The following NAV3 variants were observed in gnomAD, a reference collection of about 807,000 sequenced individuals.
NAV3 encodes pore membrane and/or filament interacting like protein 1.
NAV3 carries 87 observed loss-of-function variants against 244.7 expected under a neutral mutation model. That is an observed-to-expected ratio of 0.36 (90% CI 0.30 to 0.42). NAV3 has a LOEUF of 0.42. NAV3 is among the 20% of genes least tolerant of loss of function. The probability of loss-of-function intolerance (pLI) is 1.00; values close to 1 mark genes in which losing one functional copy is unlikely to be tolerated. For missense variants in NAV3, 2,663 were observed against 2,893.3 expected (o/e 0.92, Z 1.83); for synonymous variants, 1,126 against 1,042.2 (o/e 1.08, Z -1.55).
At chr12:77,843,864 A>G (rs1298540801) in intron 1 of NAV3, among the ~76,000 whole-genome samples, 1 of 152,190 alleles carries the variant, frequency 6.6e-6, no homozygotes, top group African/African-American at 2.4e-5. Context: ...AGAATTAAAA[A>G]CATACAAAAT....
chr12:77,762,759 A>C (rs1371911359), intron 2 of NAV3, among the ~76,000 whole-genome samples: 2 of 146,604 alleles, frequency 1.4e-5, no homozygotes, highest in African/African-American at 5.0e-5. Flanking sequence ...TGTTGTTGTT[A>C]AATGTGTAGT....
intron 1 of NAV3, among the ~76,000 whole-genome samples, chr12:77,875,974 G>A (rs375538285): frequency 7.2e-5 from 11 of 151,876 alleles, no homozygotes; most frequent in African/African-American, 2.7e-4. Context: ...CCTTTTCCAA[G>A]GCATAGGATA....
At chr12:78,131,691 TA>T (rs1956172890) in intron 18 of NAV3, among the ~76,000 whole-genome samples, 1 of 152,192 alleles carries the variant, frequency 6.6e-6, no homozygotes, top group South Asian at 2.1e-4. Context: ...ACCACTTAAC[TA>T]TGTCTGACAT....
chr12:77,943,697 A>G (rs1408936702), intron 3 of NAV3, among the ~76,000 whole-genome samples: 1 of 152,210 alleles, frequency 6.6e-6, no homozygotes, highest in Non-Finnish European at 1.5e-5. Flanking sequence ...GGGAGGTGCT[A>G]CATTAGTAAG....
intron 2 of NAV3, among the ~76,000 whole-genome samples, chr12:77,683,369 T>C (rs1183982040): frequency 6.7e-6 from 1 of 149,560 alleles, no homozygotes; most frequent in African/African-American, 2.5e-5. Context: ...CATTGGTCTT[T>C]GTATGTGTTT....
rs780395708 is a variant in NAV3, at chr12:77,968,609, A to G, written c.578A>G (p.Tyr193Cys). The change falls in exon 5 of 40, where the codon TAT becomes TGT. Residue 193 changes from tyrosine to cysteine, a missense_variant. Physicochemically the swap from Tyr to Cys is radical, Grantham distance 194. Transcript: ENST00000397909. ...KQQQHHQQQY[Y>C]QSLVELQQRV... ...CAACAACACCATCAACAACAGTACTATCAGTCCTTGGTGGAACTTCAGCAG... is the reference window on the plus strand; with the variant it reads ...CAACAACACCATCAACAACAGTACTGTCAGTCCTTGGTGGAACTTCAGCAG... 2.5e-6 allele frequency: 4 copies of G among 1,614,182 alleles called. No individual in the cohort carries two copies. The Admixed American group carries it at 5.0e-5, about 20-fold the overall frequency.
intron 9 of NAV3, among the ~76,000 whole-genome samples, chr12:78,042,617 A>G (rs1003592412): frequency 6.6e-6 from 1 of 151,186 alleles, no homozygotes; most frequent in African/African-American, 2.4e-5. Flanking sequence ...ACATGGTGAA[A>G]CCCCATCTCT....
intron 2 of NAV3, among the ~76,000 whole-genome samples, chr12:77,652,455 A>C (rs900546800): frequency 3.9e-5 from 6 of 152,296 alleles, no homozygotes; most frequent in African/African-American, 1.2e-4. Context: ...CTACTCCTTC[A>C]CTTTTTACAA....
chr12:77,577,510 C>A (rs887379859), intron 2 of NAV3, among the ~76,000 whole-genome samples: 1 of 152,010 alleles, frequency 6.6e-6, no homozygotes, highest in African/African-American at 2.4e-5. Context: ...CTTTATGGTT[C>A]CACCATTTTG....
At chr12:77,923,302 T>G (rs1171582113) in intron 1 of NAV3, among the ~76,000 whole-genome samples, 2 of 152,122 alleles carry the variant, frequency 1.3e-5, no homozygotes, top group African/African-American at 2.4e-5. Flanking sequence ...AATTTTGAAT[T>G]TAAAAGTCAT....
intron 2 of NAV3, among the ~76,000 whole-genome samples, chr12:77,652,960 A>G (rs1441203795): frequency 1.3e-5 from 2 of 152,178 alleles, no homozygotes; most frequent in African/African-American, 4.8e-5. Flanking sequence ...AGCTTTTAGT[A>G]TTTTTCAAAG....
At chr12:77,858,834 A>G (rs1450479273) in intron 1 of NAV3, among the ~76,000 whole-genome samples, 1 of 152,124 alleles carries the variant, frequency 6.6e-6, no homozygotes. Flanking sequence ...CCCAAGCCAA[A>G]CAAAATCTAA....
At chr12:77,984,479 AT>A (rs33928359) in intron 5 of NAV3, among the ~76,000 whole-genome samples, 2,793 of 146,020 alleles carry the variant, frequency 0.019, 46 homozygotes, top group Non-Finnish European at 0.031. Flanking sequence ...TCAAGTATGC[AT>A]TTTTTTTTTT....
At chr12:78,192,140 GAA>G (rs5799379) in intron 34 of NAV3, among the ~76,000 whole-genome samples, 7 of 151,534 alleles carry the variant, frequency 4.6e-5, no homozygotes, top group African/African-American at 1.5e-4. Context: ...TTCAGCTTAG[GAA>G]AAAAAGTTTA....
chr12:78,103,082 T>G (rs7979142), intron 12 of NAV3, among the ~76,000 whole-genome samples: 1 of 152,090 alleles, frequency 6.6e-6, no homozygotes, highest in Non-Finnish European at 1.5e-5. Context: ...AATGGGTTTT[T>G]CTTTTCTACT....
Position 78,116,783 on chromosome 12 carries a change from G to A in NAV3, c.2648G>A (p.Ser883Asn), listed in dbSNP as rs368822889. The A allele has an allele frequency of 6.3e-7, 1 of 1,595,768 alleles. No individual in the cohort carries two copies. Residue 883 changes from serine to asparagine, a missense_variant, in exon 13 of 40, where the codon AGC (serine) becomes AAC (asparagine). Physicochemically the swap from Ser to Asn is conservative, Grantham distance 46 (BLOSUM62 1). This residue lies in a region of NAV3 where 1,521 missense variants were observed against 1,497.0 expected (regional missense o/e 1.02). Coordinates refer to ENST00000397909, the MANE Select transcript of NAV3 (RefSeq NM_001024383.2). ...VTVDADSWDDSSSVSSGLSDT... is the reference protein window; with the variant it reads ...VTVDADSWDDNSSVSSGLSDT... ...TGTCTTGCCTTTAGCTGGGATGACA[G>A]CAGTTCAGTGAGCAGTGGTCTCAGT...
chr12:78,071,023 G>A (rs919186296), intron 12 of NAV3, among the ~76,000 whole-genome samples: 1 of 150,604 alleles, frequency 6.6e-6, no homozygotes, highest in Non-Finnish European at 1.5e-5. Flanking sequence ...ACGTGTGCAT[G>A]TGTCTTTATA....
At chr12:78,049,243 G>T (rs1352429708) in intron 9 of NAV3, among the ~76,000 whole-genome samples, 1 of 152,058 alleles carries the variant, frequency 6.6e-6, no homozygotes. Context: ...TGTCTCACTG[G>T]CATTCCAGGT....
At chr12:78,040,923 T>C (rs569134626) in intron 9 of NAV3, among the ~76,000 whole-genome samples, 9 of 152,356 alleles carry the variant, frequency 5.9e-5, no homozygotes, top group African/African-American at 2.2e-4. Flanking sequence ...TTGTCTGTAA[T>C]AATTTTATTT....
Sources: gnomAD v4.1 joint callset for allele counts (sites outside exome capture counted in the v4.1 genomes callset) on GRCh38, gnomAD v4.1.1 for gene constraint, gnomAD v4.1.1 regional missense constraint, MANE v1.5 for transcripts, NCBI Gene and HGNC (gene_info 2026-07-23, HGNC 2026-07-21) for gene names.